Variants in BCAR3 observed in about 807,000 individuals in gnomAD.
BCAR3 encodes the protein breast cancer anti-estrogen resistance protein 3.
BCAR3 carries 37 observed loss-of-function variants against 80.1 expected under a neutral mutation model. The observed-to-expected ratio is 0.46, with a 90% CI of 0.36 to 0.61. The LOEUF is 0.61. BCAR3 is among the 20% of genes least tolerant of loss of function. The pLI is 0.00. For synonymous variants in BCAR3, 389 were observed against 418.9 expected (o/e 0.93, Z 0.87); for missense variants, 978 against 1,068.2 (o/e 0.92, Z 1.18).
chr1:93,581,345 T>C (rs1193737578), intron 7 of BCAR3, among the ~76,000 whole-genome samples: 2 of 152,158 alleles, frequency 1.3e-5, no homozygotes, highest in Non-Finnish European at 2.9e-5. Flanking sequence ...GTAAACCAAA[T>C]GCTGACAATG....
chr1:93,652,378 T>G (rs999735233), intron 2 of BCAR3, among the ~76,000 whole-genome samples: 2 of 152,350 alleles, frequency 1.3e-5, no homozygotes, highest in African/African-American at 4.8e-5. Flanking sequence ...AATGCAGAAA[T>G]GCTGTGTCTA....
intron 2 of BCAR3, among the ~76,000 whole-genome samples, chr1:93,652,133 G>A (rs1676344826): frequency 6.6e-6 from 1 of 152,192 alleles, no homozygotes; most frequent in African/African-American, 2.4e-5. Flanking sequence ...GCTCCCAGGT[G>A]AACCCAGCAA....
At chr1:93,802,420 G>A in intron 2 of BCAR3, among the ~76,000 whole-genome samples, 1 of 152,134 alleles carries the variant, frequency 6.6e-6, no homozygotes, top group Non-Finnish European at 1.5e-5. Flanking sequence ...CTGACACAGA[G>A]CTAAATGGCC....
chr1:93,561,938 G>T lies in BCAR3; in HGVS notation c.*303C>A, dbSNP rs138835869. On this transcript the variant is annotated 3_prime_UTR_variant, in exon 12 of 12. Coordinates refer to ENST00000260502, the MANE Select transcript of BCAR3 (RefSeq NM_003567.4). ...TCTGACATGGAATTAAAACTAAAAT[G>T]GTCAAATACCATGATAATAGAAAGC... The T allele has an allele frequency of 8.4e-5, 19 of 226,016 alleles. No individual in the cohort carries two copies. The highest frequency in any genetic ancestry group is 1.5e-3 in the Middle Eastern group (1 of 674). The allele number at this position is 226,016 out of a possible 1,614,324, so 14.0% of individuals were successfully genotyped here.
At chr1:93,583,535 C>T (rs57418286) in intron 6 of BCAR3, among the ~76,000 whole-genome samples, 3,018 of 152,162 alleles carry the variant, frequency 0.02, 94 homozygotes, top group African/African-American at 0.068. Context: ...AGTAGGTCTC[C>T]CCATACCCCA....
chr1:93,635,734 C>T (rs1368741591), intron 3 of BCAR3, among the ~76,000 whole-genome samples: 1 of 152,214 alleles, frequency 6.6e-6, no homozygotes. Context: ...CAGGCAAAAA[C>T]CTGCAGAGCC....
At chr1:93,834,718 C>T (rs1016440281) in intron 2 of BCAR3, among the ~76,000 whole-genome samples, 11 of 152,342 alleles carry the variant, frequency 7.2e-5, no homozygotes, top group Middle Eastern at 3.4e-3. Flanking sequence ...CTCATAACTT[C>T]CAAAATCTAT....
chr1:93,713,352 T>C (rs1003036855), intron 2 of BCAR3, among the ~76,000 whole-genome samples: 5 of 152,162 alleles, frequency 3.3e-5, no homozygotes, highest in African/African-American at 1.2e-4. Context: ...AAGACTAAGC[T>C]TCTCAGAAGG....
At chr1:93,675,925 C>CAAAAAAAAAAAAAAAAAAAA (rs58706715) in intron 1 of BCAR3, among the ~76,000 whole-genome samples, 2 of 51,440 alleles carry the variant, frequency 3.9e-5, no homozygotes, top group African/African-American at 1.1e-4. Flanking sequence ...AAATAGGAGA[C>CAAAAAAAAAAAAAAAAAAAA]AAAAAAAAAA....
intron 3 of BCAR3, among the ~76,000 whole-genome samples, chr1:93,601,046 T>C (rs1164648535): frequency 6.6e-6 from 1 of 152,076 alleles, no homozygotes; most frequent in Non-Finnish European, 1.5e-5. Context: ...CCTTGGGCCA[T>C]CTCTACACTT....
At position 93,674,887 on chromosome 1, in the gene BCAR3, AC is replaced by A. The variant is rs780598658; in HGVS notation, c.43del (p.Val15Ter). The A allele has an allele frequency of 9.5e-6, 15 of 1,571,844 alleles. No individual in the cohort carries two copies. The African/African-American group carries it at 1.8e-4, about 19-fold the overall frequency. ...TGAGGCCAGGGGGAACTGGTGATTCACCGGCATGTTTCTGGGAAGGCTTGCA... is the reference window on the plus strand; with the variant it reads ...TGAGGCCAGGGGGAACTGGTGATTCACGGCATGTTTCTGGGAAGGCTTGCA... Reference protein sequence around the residue: ...KFASLPRNMPVNHQFPLASSM... With the variant: ...KFASLPRNMPXNHQFPLASSM... On this transcript the variant is annotated frameshift_variant, in exon 2 of 12. Transcript: ENST00000260502. LOFTEE classifies it high-confidence loss of function.
At chr1:93,725,065 T>G (rs1182844642) in intron 2 of BCAR3, among the ~76,000 whole-genome samples, 2 of 152,236 alleles carry the variant, frequency 1.3e-5, no homozygotes, top group African/African-American at 2.4e-5. Flanking sequence ...CTGCTTTGTC[T>G]TTCGTAGCCC....
intron 2 of BCAR3, among the ~76,000 whole-genome samples, chr1:93,730,363 CAGTGGGTGTGCAGAGATATCTGGT>C (rs531979701): frequency 1.8e-4 from 28 of 152,262 alleles, no homozygotes; most frequent in Admixed American, 3.3e-4. Context: ...ACTGGGCTGA[CAGTGGGTGTGCAGAGATATCTGGT>C]TAACTGCATG....
intron 2 of BCAR3, among the ~76,000 whole-genome samples, chr1:93,827,103 A>G (rs1455841576): frequency 6.6e-6 from 1 of 152,182 alleles, no homozygotes; most frequent in Non-Finnish European, 1.5e-5. Context: ...GGTACTTGAG[A>G]GGTGTTTATT....
At chr1:93,741,566 TTTATTA>T (rs1213845332) in intron 2 of BCAR3, among the ~76,000 whole-genome samples, 1 of 152,058 alleles carries the variant, frequency 6.6e-6, no homozygotes, top group African/African-American at 2.4e-5. Flanking sequence ...ATTATTTTAT[TTTATTA>T]TTATTATTAT....
intron 2 of BCAR3, among the ~76,000 whole-genome samples, chr1:93,745,688 C>T (rs1412984571): frequency 6.6e-6 from 1 of 152,144 alleles, no homozygotes. Flanking sequence ...GCAGGGGTAG[C>T]AGGCAGGCAA....
rs150444996 is a variant in BCAR3 at position 93,789,500 on chromosome 1, A to G, written c.-63+56067T>C. ...ACATCCACAAAAATTGTATGCACAG[A>G]TACGTATTAGTATATTTATTAGATA... On this transcript the variant is annotated intron_variant, in intron 2 of 13. Coordinates refer to the BCAR3 transcript ENST00000370244. Among the ~76,000 whole-genome samples the G allele has an allele frequency of 3.6e-3, 550 of 152,348 alleles. 1 individual carries two copies. Among genetic ancestry groups the G allele is most frequent in the African/African-American group, 0.012 (512 of 41,582 alleles).
In BCAR3 at chr1:93,592,110, G is replaced by C. The variant is rs1170195157; in HGVS notation, c.486+155C>G. 9.3e-7 allele frequency: 1 copy of C among 1,074,728 alleles called. No individual in the cohort carries two copies. Among genetic ancestry groups the C allele is most frequent in the Non-Finnish European group, 1.3e-6 (1 of 771,768 alleles). 66.6% of individuals were successfully genotyped at this position (1,074,728 alleles called of 1,614,324 possible). On this transcript the variant is annotated intron_variant, in intron 4 of 11. Transcript: ENST00000260502. The surrounding 1 kb of genome is among the most constrained non-coding windows in gnomAD (Gnocchi z 4.8). ...CTCAGCTCTTCCCAAGGTCTTCTTA[G>C]AGAAGGGTCTAAATGAAGTCATTTT...
chr1:93,711,680 C>T (rs1650027460), intron 2 of BCAR3, among the ~76,000 whole-genome samples: 1 of 152,188 alleles, frequency 6.6e-6, no homozygotes, highest in Admixed American at 6.5e-5. Flanking sequence ...TCCCCAGAGC[C>T]TAGTACAGTA....
Sources: allele counts gnomAD v4.1 joint callset (sites outside exome capture counted in the v4.1 genomes callset), GRCh38; gene constraint gnomAD v4.1.1; non-coding constraint Gnocchi (gnomAD v3.1); transcripts MANE v1.5; gene names NCBI Gene and HGNC (gene_info 2026-07-23, HGNC 2026-07-21).